CHD5: variants seen among roughly 807,000 people sequenced by gnomAD.
CHD5 encodes chromodomain helicase DNA binding protein 5.
CHD5 carries 69 observed loss-of-function variants against 230.3 expected under a neutral mutation model. The ratio of observed to expected loss-of-function variants is 0.30; its 90% CI spans 0.25 to 0.37. CHD5 has a LOEUF of 0.37. Ranked by LOEUF, CHD5 falls within the 10% of genes least tolerant of loss-of-function variation. The pLI is 1.00. For missense variants in CHD5, 1,827 were observed against 2,622.8 expected (o/e 0.70, Z 6.63); for synonymous variants, 1,064 against 1,065.9 (o/e 1.00, Z 0.03).
chr1:6,154,658 A>G lies in CHD5; in HGVS notation c.745+2T>C. 1 of 1,550,156 alleles carries G rather than the reference A, an allele frequency of 6.5e-7. No homozygotes were observed. Among genetic ancestry groups the G allele is most frequent in the Non-Finnish European group, 8.7e-7 (1 of 1,146,128 alleles). ...TAGGTGCCCACCCAACCCCAGCCTT[A>G]CCTTTGCCCTCCTTGGTCTTGGCCT... On this transcript the variant is annotated splice_donor_variant, in intron 5 of 41. Transcript: ENST00000262450. LOFTEE classifies it high-confidence loss of function. This position sits in a 1 kb window ranked among gnomAD's most constrained non-coding sequence, Gnocchi z 7.0.
intron 15 of CHD5, among the ~76,000 whole-genome samples, chr1:6,137,858 C>A (rs1312282985): frequency 2.0e-5 from 3 of 152,206 alleles, no homozygotes; most frequent in African/African-American, 7.2e-5. Flanking sequence ...GTGCTGGGGG[C>A]GTGGAGCCTC....
Position 6,125,357 on chromosome 1 carries a change from G to C in CHD5, c.4261-124C>G. 2 of 1,215,374 alleles carry C rather than the reference G, an allele frequency of 1.6e-6. No individual in the cohort carries two copies. The highest frequency in any genetic ancestry group is 2.9e-5 in the South Asian group (2 of 68,006). 75.3% of individuals were successfully genotyped at this position (1,215,374 alleles called of 1,614,324 possible). A position where few individuals can be genotyped will look rare whatever the true frequency, so the allele number is the denominator to read the frequency against. ...TAGGAAGGGGGCACAGAGAAGGCAG[G>C]GGCCTCCACCTGGGGCAGGACCCTG... On this transcript the variant is annotated intron_variant, in intron 28 of 41. Transcript: ENST00000262450. The surrounding 1 kb of genome is among the most constrained non-coding windows in gnomAD (Gnocchi z 6.7).
chr1:6,176,177 G>C (rs1038725528), intron 1 of CHD5, among the ~76,000 whole-genome samples: 2 of 152,120 alleles, frequency 1.3e-5, no homozygotes, highest in Non-Finnish European at 2.9e-5. Context: ...ATACAATCAG[G>C]CTCCCTGGGA....
rs1277471024 is a variant in CHD5 at position 6,149,408 on chromosome 1, A to G, written c.999T>C (p.Asp333=). 1.2e-6 allele frequency: 2 copies of G among 1,607,966 alleles called. No individual in the cohort carries two copies. Among genetic ancestry groups the G allele is most frequent in the Non-Finnish European group, 1.7e-6 (2 of 1,176,016 alleles). Residue 333 remains aspartate, a synonymous_variant, in exon 8 of 42, where the codon GAT becomes GAC. Transcript: ENST00000262450. ...SKRRRKKKRI[D]DGDGYETDHQ... is the part of the protein sequence containing the mutation. ...GGTCTGTCTCATAGCCGTCACCATCATCAACTAGGGTAGGGGAGAGGCAGT... is the reference window on the plus strand; with the variant it reads ...GGTCTGTCTCATAGCCGTCACCATCGTCAACTAGGGTAGGGGAGAGGCAGT...
In CHD5 at chr1:6,146,294, G is replaced by A; in HGVS notation, c.1720C>T (p.Leu574Phe). The change falls in exon 11 of 42, where the codon CTC (leucine) becomes TTC (phenylalanine). Residue 574 changes from leucine (L) to phenylalanine (F), a missense_variant. Transcript: ENST00000262450. The surrounding 1 kb of genome is among the most constrained non-coding windows in gnomAD (Gnocchi z 5.1). Reference protein sequence around the residue: ...KSEKRKNKDPLYAKMEERFYR... With the variant: ...KSEKRKNKDPFYAKMEERFYR... Reference sequence around the variant, plus strand: ...AAGCGCTCCTCCATCTTGGCATAGAGGGGGTCCTTGTTCTTCCTCTTCTCG... The same window carrying A: ...AAGCGCTCCTCCATCTTGGCATAGAAGGGGTCCTTGTTCTTCCTCTTCTCG... The A allele has an allele frequency of 2.5e-6, 4 of 1,614,206 alleles. No individual in the cohort carries two copies. The highest frequency in any genetic ancestry group is 1.7e-5 in the Admixed American group (1 of 60,030).
intron 33 of CHD5, among the ~76,000 whole-genome samples, chr1:6,117,450 G>A (rs12137779): frequency 0.11 from 16,551 of 152,146 alleles, 1,275 homozygotes; most frequent in East Asian, 0.38. Context: ...AGTGGTACAC[G>A]CCTGTGATCC....
chr1:6,121,207 T>C lies in CHD5; in HGVS notation c.4810A>G (p.Ser1604Gly). ...ALPAALDRVE[S>G]EDKHESPASK... ...GCTGGGCTCTCGTGCTTGTCCTCAC[T>C]CTCCACTCTATCCAAGGCGGCTGGA... The change falls in exon 33 of 42, where the codon AGT becomes GGT. Residue 1604 changes from serine (S) to glycine (G), a missense_variant. Physicochemically the swap from Ser to Gly is moderately conservative, Grantham distance 56. Around this residue, in one of 14 missense-constraint regions of CHD5, gnomAD observed 272 missense variants for 263.2 expected, o/e 1.03. Coordinates refer to ENST00000262450, the MANE Select transcript of CHD5 (RefSeq NM_015557.3). The surrounding 1 kb of genome is among the most constrained non-coding windows in gnomAD (Gnocchi z 4.5). The C allele has an allele frequency of 6.2e-7, 1 of 1,613,532 alleles. No individual in the cohort carries two copies. Among genetic ancestry groups the C allele is most frequent in the Non-Finnish European group, 8.5e-7 (1 of 1,179,830 alleles).
chr1:6,130,625 G>A lies in CHD5; in HGVS notation c.3263-297C>T, dbSNP rs923799669. Reference sequence around the variant, plus strand: ...ATGAGCAAAAAACAAAGTGCAAGCCGCCAGCAAGTACAAGCAGAGCCCTAG... The same window carrying A: ...ATGAGCAAAAAACAAAGTGCAAGCCACCAGCAAGTACAAGCAGAGCCCTAG... On this transcript the variant is annotated intron_variant, in intron 21 of 41. Coordinates refer to ENST00000262450, the MANE Select transcript of CHD5 (RefSeq NM_015557.3). This position sits in a 1 kb window ranked among gnomAD's most constrained non-coding sequence, Gnocchi z 4.9. Among the ~76,000 whole-genome samples the A allele has an allele frequency of 1.7e-4, 26 of 152,152 alleles. No individual in the cohort carries two copies. Among genetic ancestry groups the A allele is most frequent in the African/African-American group, 4.1e-4 (17 of 41,430 alleles).
chr1:6,179,687 C>G (rs1308295341), intron 1 of CHD5, among the ~76,000 whole-genome samples: 1 of 148,594 alleles, frequency 6.7e-6, no homozygotes, highest in Non-Finnish European at 1.5e-5. Flanking sequence ...TCTGGCCCGC[C>G]TGGCCCGCGT....
rs139925783 is a variant in CHD5 at position 6,143,862 on chromosome 1, G to A, written c.2004C>T (p.Asp668=). The A allele has an allele frequency of 1.3e-4, 204 of 1,613,080 alleles. No individual in the cohort carries two copies. In the African/African-American group the frequency reaches 1.8e-3, roughly 14 times the overall value. The change falls in exon 13 of 42, where the codon GAC becomes GAT. Residue 668 remains aspartate, a synonymous_variant. Coordinates refer to ENST00000262450, the MANE Select transcript of CHD5 (RefSeq NM_015557.3). ...RLLKKGKKLR[D]DKQEKPPDTP... ...TGTCCGGCGGCTTCTCCTGCTTGTC[G>A]TCCCTCAGCTTCTTGCCCTTCTTGA...
chr1:6,107,184 G>T (rs958603343), intron 38 of CHD5, among the ~76,000 whole-genome samples: 2 of 147,608 alleles, frequency 1.4e-5, no homozygotes, highest in African/African-American at 5.0e-5. Context: ...GTGGAGGGAT[G>T]GGGGAAGATG....
chr1:6,140,994 T>A lies in CHD5; in HGVS notation c.2436+1134A>T, dbSNP rs2746062. Among the ~76,000 whole-genome samples the A allele has an allele frequency of 2.4e-4, 36 of 148,660 alleles. No individual in the cohort carries two copies. The South Asian group carries it at 3.0e-3, about 12-fold the overall frequency. On this transcript the variant is annotated intron_variant, in intron 15 of 41. Coordinates refer to ENST00000262450, the MANE Select transcript of CHD5 (RefSeq NM_015557.3). ...ATAATAATAATAATAATAATAATAA[T>A]AATAATAGGCTGAGCGTGGTGGCTC... is the stretch of plus-strand genomic sequence containing the variant.
In CHD5 at chr1:6,123,671, T is replaced by A. The variant is rs529864550; in HGVS notation, c.4699+277A>T. On this transcript the variant is annotated intron_variant, in intron 31 of 41. Transcript: ENST00000262450. ...TCAAACTCCTGAGCTCAGGTGATCCTGCCGCCTCAGCCTCCTAAAGTGCTG... is the reference window on the plus strand; with the variant it reads ...TCAAACTCCTGAGCTCAGGTGATCCAGCCGCCTCAGCCTCCTAAAGTGCTG... Among the ~76,000 whole-genome samples the A allele has an allele frequency of 4.6e-3, 676 of 147,590 alleles. 8 individuals carry two copies. Among genetic ancestry groups the A allele is most frequent in the African/African-American group, 0.016 (650 of 40,284 alleles).
intron 2 of CHD5, among the ~76,000 whole-genome samples, chr1:6,162,621 T>G (rs1009007766): frequency 2.0e-5 from 3 of 151,990 alleles, no homozygotes; most frequent in Non-Finnish European, 2.9e-5. Context: ...CACGACCACA[T>G]GTAGACACCA....
At chr1:6,109,461 GC>G (rs1666249934) in intron 38 of CHD5, among the ~76,000 whole-genome samples, 1 of 152,200 alleles carries the variant, frequency 6.6e-6, no homozygotes, top group African/African-American at 2.4e-5. Flanking sequence ...GATGGGTATT[GC>G]CCGGGCTAAA....
chr1:6,129,016 G>A lies in CHD5; in HGVS notation c.3441C>T (p.Arg1147=). 1.9e-6 allele frequency: 3 copies of A among 1,611,446 alleles called. No individual in the cohort carries two copies. Among genetic ancestry groups the A allele is most frequent in the Non-Finnish European group, 2.5e-6 (3 of 1,179,748 alleles). ...IGQNKKVMIY[R]FVTRASVEER... is the part of the protein sequence containing the mutation. ...CCTCCACCGAGGCCCGAGTCACGAAGCGGTAGATCATCACCTTCTTGTTCT... is the reference window on the plus strand; with the variant it reads ...CCTCCACCGAGGCCCGAGTCACGAAACGGTAGATCATCACCTTCTTGTTCT... Residue 1147 remains arginine, a synonymous_variant, in exon 23 of 42, where the codon CGC becomes CGT. Coordinates refer to ENST00000262450, the MANE Select transcript of CHD5 (RefSeq NM_015557.3). The surrounding 1 kb of genome is among the most constrained non-coding windows in gnomAD (Gnocchi z 6.8).
intron 15 of CHD5, among the ~76,000 whole-genome samples, chr1:6,141,258 C>T (rs1350058540): frequency 6.6e-6 from 1 of 151,150 alleles, no homozygotes; most frequent in Non-Finnish European, 1.5e-5. Flanking sequence ...GCACTCCAGC[C>T]TGGGCGACAG....
At position 6,155,658 on chromosome 1, in the gene CHD5, C is replaced by T. The variant is rs745374830; in HGVS notation, c.447G>A (p.Leu149=). Residue 149 remains leucine (L), a synonymous_variant, in exon 4 of 42, where the codon CTG becomes CTA. Transcript: ENST00000262450. This position sits in a 1 kb window ranked among gnomAD's most constrained non-coding sequence, Gnocchi z 4.0. ...GCGTGTGGTAATCCTCCTCCGAGAA[C>T]AGGTAGTCCACGTCGTCCAGGCCCC... is the stretch of plus-strand genomic sequence containing the variant. ...AEWGLDDVDY[L]FSEEDYHTLT... is the part of the protein sequence containing the mutation. The T allele has an allele frequency of 6.2e-7, 1 of 1,614,140 alleles. No homozygotes were observed. Among genetic ancestry groups the T allele is most frequent in the East Asian group, 2.2e-5 (1 of 44,884 alleles).
chr1:6,157,056 A>C (rs1667091374), intron 3 of CHD5, among the ~76,000 whole-genome samples: 1 of 152,240 alleles, frequency 6.6e-6, no homozygotes, highest in Non-Finnish European at 1.5e-5. Flanking sequence ...TGCTTGGAAC[A>C]GGGTGTGTCA....
Sources: gnomAD v4.1 joint callset for allele counts (sites outside exome capture counted in the v4.1 genomes callset) on GRCh38, gnomAD v4.1.1 for gene constraint, gnomAD v4.1.1 regional missense constraint, Gnocchi (gnomAD v3.1) non-coding constraint, MANE v1.5 for transcripts, NCBI Gene and HGNC (gene_info 2026-07-23, HGNC 2026-07-21) for gene names.